Variants in KCNH5 observed in about 807,000 individuals in gnomAD.
KCNH5 encodes the protein potassium voltage-gated channel subfamily H member 5.
Under a neutral mutation model 96.1 loss-of-function variants are expected in KCNH5, and 46 were observed. The observed-to-expected ratio is 0.48, with a 90% CI of 0.38 to 0.61. The LOEUF (loss-of-function observed/expected upper bound fraction) is 0.61. KCNH5 is among the 20% of genes least tolerant of loss of function. The probability of loss-of-function intolerance (pLI) is 0.00; values close to 1 mark genes in which losing one functional copy is unlikely to be tolerated. For missense variants in KCNH5, 907 were observed against 1,225.8 expected, an observed-to-expected ratio of 0.74 and a Z score of 3.88; for synonymous variants, 439 against 449.8, an observed-to-expected ratio of 0.98 and a Z score of 0.30.
intron 7 of KCNH5, among the ~76,000 whole-genome samples, chr14:62,914,470 G>A (rs1005930886): frequency 6.6e-6 from 1 of 152,104 alleles, no homozygotes; most frequent in Non-Finnish European, 1.5e-5. Context: ...TTAAAAAGGA[G>A]GGTGGAGTAT....
chr14:62,992,005 T>C (rs894859493), intron 4 of KCNH5, among the ~76,000 whole-genome samples: 7 of 152,166 alleles, frequency 4.6e-5, no homozygotes, highest in Admixed American at 2.0e-4. Context: ...AAGTCTCCAA[T>C]GTCTATCATT....
chr14:62,831,050 G>A (rs563359785), intron 8 of KCNH5, among the ~76,000 whole-genome samples: 1 of 152,222 alleles, frequency 6.6e-6, no homozygotes, highest in East Asian at 1.9e-4. Context: ...CCATCTGACT[G>A]CACAGTAGCA....
At position 62,700,570 on chromosome 14, in the gene KCNH5, T is replaced by C. The variant is rs1250274340; in HGVS notation, c.*6938A>G. On this transcript the variant is annotated 3_prime_UTR_variant, in exon 11 of 11. Coordinates refer to ENST00000322893, the MANE Select transcript of KCNH5 (RefSeq NM_139318.5). ...GTTTTTTCCTGAAAATGAAATAGGCTAATCTTGATTTTAAATGAAAGTGCG... is the reference window on the plus strand; with the variant it reads ...GTTTTTTCCTGAAAATGAAATAGGCCAATCTTGATTTTAAATGAAAGTGCG... The C allele has an allele frequency of 6.6e-6, 1 of 152,210 alleles. No homozygotes were observed. The highest frequency in any genetic ancestry group is 1.5e-5 in the Non-Finnish European group (1 of 68,036). 9.4% of individuals were successfully genotyped at this position (152,210 alleles called of 1,614,324 possible).
intron 10 of KCNH5, among the ~76,000 whole-genome samples, chr14:62,728,884 T>C (rs904187454): frequency 6.6e-6 from 1 of 152,286 alleles, no homozygotes; most frequent in East Asian, 1.9e-4. Context: ...ACACAGTTAG[T>C]AGACAGGTGT....
At chr14:62,734,253 T>A (rs1419487171) in intron 10 of KCNH5, among the ~76,000 whole-genome samples, 2 of 151,854 alleles carry the variant, frequency 1.3e-5, no homozygotes, top group Non-Finnish European at 2.9e-5. Context: ...AAAATGAAAA[T>A]CTGCCTATTC....
Position 62,880,655 on chromosome 14 carries a change from G to A in KCNH5, c.1370-30803C>T, listed in dbSNP as rs149248367. ...TAAGAATAGATGTTCTTGGGGACAAGAGAAAGAAATAAGAAAAAGTAGACT... is the reference window on the plus strand; with the variant it reads ...TAAGAATAGATGTTCTTGGGGACAAAAGAAAGAAATAAGAAAAAGTAGACT... On this transcript the variant is annotated intron_variant, in intron 7 of 10. Transcript: ENST00000322893. Among the ~76,000 whole-genome samples the A allele has an allele frequency of 7.2e-3, 1,095 of 152,308 alleles. 11 individuals are homozygous for A. The highest frequency in any genetic ancestry group is 0.025 in the African/African-American group (1,053 of 41,576).
At position 62,952,608 on chromosome 14, in the gene KCNH5, G is replaced by A. The variant is rs527891460; in HGVS notation, c.943-2049C>T. Among the ~76,000 whole-genome samples the A allele has an allele frequency of 2.6e-5, 4 of 152,158 alleles. No homozygotes were observed. The South Asian group carries it at 8.3e-4, about 32-fold the overall frequency. On this transcript the variant is annotated intron_variant, in intron 6 of 10. Transcript: ENST00000322893. The stretch of plus-strand genomic sequence containing the variant: ...AGCTCAAACTTTTAAAGGAACTTTG[G>A]GACTTCTGTTTAAATACTGCATAGA...
At chr14:62,874,288 AC>A (rs777156850) in intron 7 of KCNH5, among the ~76,000 whole-genome samples, 4 of 152,188 alleles carry the variant, frequency 2.6e-5, no homozygotes, top group Non-Finnish European at 5.9e-5. Context: ...AGAAAAAAAA[AC>A]CTCATCAAAA....
intron 7 of KCNH5, among the ~76,000 whole-genome samples, chr14:62,891,994 G>A (rs1195098311): frequency 6.6e-6 from 1 of 152,044 alleles, no homozygotes; most frequent in Non-Finnish European, 1.5e-5. Flanking sequence ...TTGAAATTAG[G>A]CCAGTTAATC....
chr14:62,947,074 C>G (rs1445509239), intron 7 of KCNH5, among the ~76,000 whole-genome samples: 3 of 152,086 alleles, frequency 2.0e-5, no homozygotes, highest in African/African-American at 7.2e-5. Context: ...AATTTTGATA[C>G]TGAGCTATAG....
chr14:62,840,566 CTTTTTTTTTT>C (rs71120238), intron 8 of KCNH5, among the ~76,000 whole-genome samples: 3 of 76,368 alleles, frequency 3.9e-5, no homozygotes, highest in African/African-American at 1.7e-4. Context: ...TCTTTTTTTT[CTTTTTTTTTT>C]TTTTTTTTTT....
At chr14:63,031,396 A>C (rs940860916) in intron 1 of KCNH5, among the ~76,000 whole-genome samples, 1 of 152,142 alleles carries the variant, frequency 6.6e-6, no homozygotes, top group Admixed American at 6.5e-5. Context: ...TTCTGGACAA[A>C]GGAAGGTTAT....
intron 9 of KCNH5, among the ~76,000 whole-genome samples, chr14:62,796,624 G>A (rs920408397): frequency 1.2e-4 from 19 of 152,188 alleles, no homozygotes; most frequent in African/African-American, 4.6e-4. Flanking sequence ...CATGGCCCAT[G>A]TGAACCTGGA....
At position 62,806,265 on chromosome 14, in the gene KCNH5, T is replaced by C. The variant is rs369027417; in HGVS notation, c.1570-3684A>G. On this transcript the variant is annotated intron_variant, in intron 8 of 10. Transcript: ENST00000322893. ...ATAAAAATGGGCAACTAGCAGCCCT[T>C]GGGGCTGCTCTATGGAGTAGCCATT... Among the ~76,000 whole-genome samples the C allele has an allele frequency of 5.3e-5, 8 of 152,314 alleles. No individual in the cohort carries two copies. The East Asian group carries it at 9.7e-4, about 18-fold the overall frequency.
At chr14:63,021,978 T>A (rs1891437134) in intron 1 of KCNH5, among the ~76,000 whole-genome samples, 2 of 152,322 alleles carry the variant, frequency 1.3e-5, no homozygotes, top group African/African-American at 4.8e-5. Context: ...CTTATATGCT[T>A]ATCTATGTCC....
At chr14:62,827,057 G>C (rs768731382) in intron 8 of KCNH5, among the ~76,000 whole-genome samples, 5 of 151,902 alleles carry the variant, frequency 3.3e-5, no homozygotes, top group Non-Finnish European at 7.4e-5. Flanking sequence ...TATGTAAGGA[G>C]CACAAGAATA....
intron 7 of KCNH5, among the ~76,000 whole-genome samples, chr14:62,916,815 G>A (rs1009885918): frequency 1.2e-4 from 19 of 152,156 alleles, no homozygotes; most frequent in East Asian, 1.9e-4. Context: ...TCTTCTCATC[G>A]TTTACGGCTC....
At chr14:62,709,085 T>A (rs1884509714) in intron 10 of KCNH5, among the ~76,000 whole-genome samples, 1 of 151,208 alleles carries the variant, frequency 6.6e-6, no homozygotes, top group African/African-American at 2.4e-5. Flanking sequence ...TACAAAAAAT[T>A]AGCCGGGCGC....
In KCNH5 at chr14:62,874,223, C is replaced by T. The variant is rs117627420; in HGVS notation, c.1370-24371G>A. The stretch of plus-strand genomic sequence containing the variant: ...AGGAATGTAGCATCTTGTGTATAAA[C>T]GTGTGTTTCTTAAAAATGGCTCATA... On this transcript the variant is annotated intron_variant, in intron 7 of 10. Transcript: ENST00000322893. Among the ~76,000 whole-genome samples the T allele has an allele frequency of 4.3e-3, 649 of 151,972 alleles. 4 individuals are homozygous for T. Among genetic ancestry groups the T allele is most frequent in the Non-Finnish European group, 6.7e-3 (452 of 67,964 alleles).
Sources: gnomAD v4.1 joint callset for allele counts (sites outside exome capture counted in the v4.1 genomes callset) on GRCh38, gnomAD v4.1.1 for gene constraint, MANE v1.5 for transcripts, NCBI Gene and HGNC (gene_info 2026-07-23, HGNC 2026-07-21) for gene names.